ENOX1: variants seen among roughly 807,000 people sequenced by gnomAD.
ENOX1 encodes the protein candidate growth-related and time keeping constitutive hydroquinone (NADH) oxidase.
A neutral mutation model predicts 82.5 loss-of-function variants in ENOX1; 42 were observed. The observed-to-expected ratio is 0.51, with a 90% CI of 0.40 to 0.66. ENOX1 has a LOEUF of 0.66. ENOX1 is among the 30% of genes least tolerant of loss of function. The pLI, the probability that ENOX1 is intolerant of heterozygous loss-of-function variation, is 0.00. For missense variants in ENOX1, 608 were observed against 811.6 expected (o/e 0.75, Z 3.05); for synonymous variants, 271 against 282.2 (o/e 0.96, Z 0.40).
At position 43,410,435 on chromosome 13, in the gene ENOX1, T is replaced by C. The variant is rs115320229; in HGVS notation, c.208+1481A>G. ...TAGAGCAGACTAATCTTCAATTGTA[T>C]GAATTTGATAGCATTTTGAAGAACT... On this transcript the variant is annotated intron_variant, in intron 5 of 16. Coordinates refer to ENST00000690772, the MANE Select transcript of ENOX1 (RefSeq NM_001347969.2). Among the ~76,000 whole-genome samples the C allele has an allele frequency of 4.3e-3, 651 of 152,300 alleles. 3 individuals carry two copies. Among genetic ancestry groups the C allele is most frequent in the African/African-American group, 0.015 (621 of 41,566 alleles).
intron 3 of ENOX1, among the ~76,000 whole-genome samples, chr13:43,467,507 T>C (rs977864019): frequency 3.1e-5 from 4 of 127,770 alleles, no homozygotes; most frequent in African/African-American, 1.1e-4. Context: ...ACAAATGTTA[T>C]TTTAAAATTT....
chr13:43,498,704 T>C (rs1183198798), intron 2 of ENOX1, among the ~76,000 whole-genome samples: 3 of 151,966 alleles, frequency 2.0e-5, no homozygotes, highest in East Asian at 1.9e-4. Context: ...AACTCAATGA[T>C]GAATACAAAA....
intron 2 of ENOX1, among the ~76,000 whole-genome samples, chr13:43,497,000 A>G (rs529721204): frequency 6.6e-6 from 1 of 152,270 alleles, no homozygotes; most frequent in Admixed American, 6.5e-5. Context: ...AAATATACAC[A>G]TATTTTGAAA....
At chr13:43,413,701 T>TTATATATTTA (rs1322552707) in intron 3 of ENOX1, among the ~76,000 whole-genome samples, 1 of 147,090 alleles carries the variant, frequency 6.8e-6, no homozygotes, top group African/African-American at 2.5e-5. Context: ...ATATATATTT[T>TTATATATTTA]TATATATTTA....
At chr13:43,300,604 C>T (rs2046517128) in intron 11 of ENOX1, among the ~76,000 whole-genome samples, 2 of 152,152 alleles carry the variant, frequency 1.3e-5, no homozygotes, top group Admixed American at 6.5e-5. Context: ...GACCAAAAGC[C>T]AAGTGTTTGC....
At chr13:43,275,028 C>T (rs1252180815) in intron 12 of ENOX1, among the ~76,000 whole-genome samples, 1 of 152,198 alleles carries the variant, frequency 6.6e-6, no homozygotes. Context: ...ACCACTTGCA[C>T]AGTTCAATTT....
intron 8 of ENOX1, among the ~76,000 whole-genome samples, chr13:43,351,611 A>G (rs1245520587): frequency 1.6e-5 from 2 of 122,604 alleles, no homozygotes; most frequent in Admixed American, 1.0e-4. Context: ...AGAGTGTGAT[A>G]TTCCCCTTCA....
chr13:43,767,820 A>G (rs1367897613), intron 1 of ENOX1, among the ~76,000 whole-genome samples: 2 of 152,220 alleles, frequency 1.3e-5, no homozygotes, highest in Non-Finnish European at 2.9e-5. Context: ...AGCCGGCAGG[A>G]GCCTGAGGGG....
At chr13:43,557,230 C>G (rs1426618557) in intron 2 of ENOX1, among the ~76,000 whole-genome samples, 1 of 152,098 alleles carries the variant, frequency 6.6e-6, no homozygotes, top group Non-Finnish European at 1.5e-5. Context: ...TTTGGGGAGT[C>G]AAAACTGTAC....
chr13:43,273,241 C>T (rs903447627), intron 12 of ENOX1, among the ~76,000 whole-genome samples: 5 of 152,228 alleles, frequency 3.3e-5, no homozygotes, highest in South Asian at 2.1e-4. Context: ...ACCTCTTTGC[C>T]GGTTCCTTGA....
intron 1 of ENOX1, among the ~76,000 whole-genome samples, chr13:43,713,171 T>C (rs1452341301): frequency 6.6e-6 from 1 of 152,140 alleles, no homozygotes; most frequent in Non-Finnish European, 1.5e-5. Flanking sequence ...TTGAGATAAT[T>C]ATGTGGTTTT....
chr13:43,239,795 A>G (rs1229643801), intron 14 of ENOX1, among the ~76,000 whole-genome samples: 2 of 152,250 alleles, frequency 1.3e-5, no homozygotes, highest in Non-Finnish European at 2.9e-5. Flanking sequence ...TAGTGATTTT[A>G]GACAGCCACA....
chr13:43,603,943 G>C lies in ENOX1; in HGVS notation c.-219+63536C>G, dbSNP rs1159560490. On this transcript the variant is annotated intron_variant, in intron 2 of 16. Coordinates refer to ENST00000690772, the MANE Select transcript of ENOX1 (RefSeq NM_001347969.2). ...GGGTCAAATGGTATTTCTAGTTCTA[G>C]ATCCCTGAGGAATTGCCACACTGAC... Among the ~76,000 whole-genome samples the C allele has an allele frequency of 2.8e-5, 3 of 108,086 alleles. No homozygotes were observed. In the Admixed American group the frequency reaches 3.3e-4, roughly 12 times the overall value. The allele number at this position is 108,086 out of a possible 152,430, so 70.9% of individuals were successfully genotyped here. A position where few individuals can be genotyped will look rare whatever the true frequency, so the allele number is the denominator to read the frequency against.
Position 43,224,075 on chromosome 13 carries a change from T to C in ENOX1, c.1778A>G (p.Tyr593Cys). Residue 593 changes from tyrosine to cysteine, a missense_variant, in exon 16 of 17, where the codon TAC becomes TGC. By Grantham distance (194) the Tyr-to-Cys change is radical. Coordinates refer to ENST00000690772, the MANE Select transcript of ENOX1 (RefSeq NM_001347969.2). Reference sequence around the variant, plus strand: ...TACCTTGGAGTCCAGCTGCTGCATGTATGACCAAAGATATTCTATGTTGGC... The same window carrying C: ...TACCTTGGAGTCCAGCTGCTGCATGCATGACCAAAGATATTCTATGTTGGC... ...FGANIEYLWS[Y>C]MQQLDSKISA... 1 of 1,614,014 alleles carries C rather than the reference T, an allele frequency of 6.2e-7. No individual in the cohort carries two copies. The highest frequency in any genetic ancestry group is 8.5e-7 in the Non-Finnish European group (1 of 1,179,874).
At chr13:43,703,060 C>T (rs1379900101) in intron 1 of ENOX1, among the ~76,000 whole-genome samples, 3 of 151,426 alleles carry the variant, frequency 2.0e-5, no homozygotes, top group Non-Finnish European at 2.9e-5. Context: ...CAGGCCTCTA[C>T]CAGACAGCAG....
At chr13:43,639,406 C>A (rs117701651) in intron 2 of ENOX1, among the ~76,000 whole-genome samples, 2 of 152,138 alleles carry the variant, frequency 1.3e-5, no homozygotes, top group African/African-American at 4.8e-5. Context: ...GTTTATTGTA[C>A]AAAACTCTTA....
At chr13:43,726,582 G>A (rs1340748698) in intron 1 of ENOX1, among the ~76,000 whole-genome samples, 1 of 152,144 alleles carries the variant, frequency 6.6e-6, no homozygotes, top group African/African-American at 2.4e-5. Flanking sequence ...AAAATGAACT[G>A]TTGGAGAACA....
At chr13:43,780,023 T>C (rs1952168699) in intron 1 of ENOX1, among the ~76,000 whole-genome samples, 1 of 152,020 alleles carries the variant, frequency 6.6e-6, no homozygotes, top group African/African-American at 2.4e-5. Flanking sequence ...TAGCTGGGCA[T>C]GGTGGCGAGC....
chr13:43,215,212 C>CTGTT (rs2041411022), intron 16 of ENOX1, among the ~76,000 whole-genome samples: 2 of 152,170 alleles, frequency 1.3e-5, no homozygotes, highest in African/African-American at 2.4e-5. Context: ...GTCAAATCAA[C>CTGTT]TGTTTATTTA....
Sources: gnomAD v4.1 joint callset for allele counts (sites outside exome capture counted in the v4.1 genomes callset) on GRCh38, gnomAD v4.1.1 for gene constraint, MANE v1.5 for transcripts, NCBI Gene and HGNC (gene_info 2026-07-23, HGNC 2026-07-21) for gene names.